Variants in HIVEP3 observed in about 807,000 individuals in gnomAD.
The protein encoded by HIVEP3 is transcription factor HIVEP3.
A neutral mutation model predicts 152.8 loss-of-function variants in HIVEP3; 49 were observed. That is an observed-to-expected ratio of 0.32 (90% CI 0.26 to 0.41). The LOEUF (loss-of-function observed/expected upper bound fraction) is 0.41, where lower values mean the gene tolerates loss of function less well. Among genes scored for constraint, HIVEP3 ranks in the 10% least tolerant of loss-of-function variants. The pLI is 1.00. For missense variants in HIVEP3, 2,790 were observed against 3,103.3 expected (o/e 0.90, Z 2.40); for synonymous variants, 1,269 against 1,289.0 (o/e 0.98, Z 0.33).
At chr1:41,668,209 T>C (rs1645824674) in intron 2 of HIVEP3, among the ~76,000 whole-genome samples, 2 of 152,206 alleles carry the variant, frequency 1.3e-5, no homozygotes, top group South Asian at 4.1e-4. Flanking sequence ...GCCTGAAGGA[T>C]CCTGTGCTCA....
chr1:41,896,448 C>T (rs529449831), intron 1 of HIVEP3, among the ~76,000 whole-genome samples: 24 of 152,252 alleles, frequency 1.6e-4, no homozygotes, highest in Non-Finnish European at 2.6e-4. Flanking sequence ...ATTAGGTGCC[C>T]GGCCCACTGC....
At chr1:42,023,572 A>G (rs1645566210) in intron 1 of HIVEP3, among the ~76,000 whole-genome samples, 1 of 152,092 alleles carries the variant, frequency 6.6e-6, no homozygotes, top group Non-Finnish European at 1.5e-5. Context: ...AATTATCACC[A>G]TCCACTTGGT....
intron 1 of HIVEP3, among the ~76,000 whole-genome samples, chr1:41,778,887 A>G (rs1203589079): frequency 6.6e-6 from 1 of 152,210 alleles, no homozygotes; most frequent in Non-Finnish European, 1.5e-5. Flanking sequence ...ATATCTGGGC[A>G]GAGATAGGAA....
intron 1 of HIVEP3, among the ~76,000 whole-genome samples, chr1:41,775,746 G>A (rs1007948020): frequency 3.3e-5 from 5 of 152,128 alleles, no homozygotes; most frequent in South Asian, 2.1e-4. Context: ...CTCCCAAAGT[G>A]CAGGGATTAC....
intron 2 of HIVEP3, among the ~76,000 whole-genome samples, chr1:41,643,888 C>CTTTTTT (rs1645417436): frequency 2.4e-5 from 1 of 41,142 alleles, no homozygotes; most frequent in Non-Finnish European, 4.0e-5. Flanking sequence ...CCTTCCCATC[C>CTTTTTT]TCTTTTTTTT....
chr1:41,731,136 C>A lies in HIVEP3; in HGVS notation c.-800-30141G>T, dbSNP rs149690106. Among the ~76,000 whole-genome samples the A allele has an allele frequency of 6.6e-5, 10 of 152,248 alleles. No homozygotes were observed. In the East Asian group the frequency reaches 1.9e-3, roughly 29 times the overall value. Reference sequence around the variant, plus strand: ...TGACTGCCGGGAAAAAGGTGTACTGCGTACAGCTGTCAAGAATGCAAATGC... The same window carrying A: ...TGACTGCCGGGAAAAAGGTGTACTGAGTACAGCTGTCAAGAATGCAAATGC... On this transcript the variant is annotated intron_variant, in intron 1 of 8. Coordinates refer to ENST00000372583, the MANE Select transcript of HIVEP3 (RefSeq NM_024503.5).
At chr1:41,615,324 G>A (rs1644951308) in intron 3 of HIVEP3, among the ~76,000 whole-genome samples, 2 of 152,184 alleles carry the variant, frequency 1.3e-5, no homozygotes, top group South Asian at 2.1e-4. Flanking sequence ...CCTGAACTTG[G>A]GAAATCGGCC....
intron 1 of HIVEP3, among the ~76,000 whole-genome samples, chr1:42,032,168 A>G (rs1361030673): frequency 6.6e-6 from 1 of 152,220 alleles, no homozygotes; most frequent in East Asian, 1.9e-4. Context: ...AACTCCAAAC[A>G]GTCACACCCC....
rs769387265 is a variant in HIVEP3 at position 41,512,997 on chromosome 1, C to T, written c.6224G>A (p.Gly2075Asp). The T allele has an allele frequency of 3.1e-6, 5 of 1,613,498 alleles. No homozygotes were observed. Among genetic ancestry groups the T allele is most frequent in the South Asian group, 1.1e-5 (1 of 91,056 alleles). ...RYSPTRRWSP[G>D]QAESPPRSAP... ...TGACCGTGGTGGTGACTCGGCCTGACCTGGAGACCATCTCCTGGTGGGCGA... is the reference window on the plus strand; with the variant it reads ...TGACCGTGGTGGTGACTCGGCCTGATCTGGAGACCATCTCCTGGTGGGCGA... The change falls in exon 8 of 9, where the codon GGT becomes GAT. Residue 2075 changes from glycine (G) to aspartate (D), a missense_variant. Physicochemically the swap from Gly to Asp is moderately conservative, Grantham distance 94. Coordinates refer to ENST00000372583, the MANE Select transcript of HIVEP3 (RefSeq NM_024503.5).
chr1:41,878,440 T>A (rs1644205726), intron 1 of HIVEP3, among the ~76,000 whole-genome samples: 1 of 152,154 alleles, frequency 6.6e-6, no homozygotes, highest in Non-Finnish European at 1.5e-5. Context: ...AAAAAAAGGG[T>A]AAGATTATAT....
At chr1:41,804,996 C>T (rs535707226) in intron 1 of HIVEP3, among the ~76,000 whole-genome samples, 6 of 152,262 alleles carry the variant, frequency 3.9e-5, no homozygotes, top group African/African-American at 1.2e-4. Context: ...TGCACATGAC[C>T]CATGAGGCCA....
At position 41,511,391 on chromosome 1, in the gene HIVEP3, C is replaced by G. The variant is rs1644454120; in HGVS notation, c.6406-125G>C. The G allele has an allele frequency of 4.4e-6, 4 of 899,594 alleles. No individual in the cohort carries two copies. The highest frequency in any genetic ancestry group is 6.6e-6 in the Non-Finnish European group (4 of 609,856). The allele number at this position is 899,594 out of a possible 1,614,324, so 55.7% of individuals were successfully genotyped here. A position where few individuals can be genotyped will look rare whatever the true frequency, so the allele number is the denominator to read the frequency against. On this transcript the variant is annotated intron_variant, in intron 8 of 8. Transcript: ENST00000372583. This position sits in a 1 kb window ranked among gnomAD's most constrained non-coding sequence, Gnocchi z 4.9. ...GAGCGAGTCCAGGGTCCCGGCTGAG[C>G]TGAGCCCAGAACCAAGTTCCTGACT...
At chr1:41,725,451 C>T (rs1646738956) in intron 1 of HIVEP3, among the ~76,000 whole-genome samples, 2 of 152,296 alleles carry the variant, frequency 1.3e-5, no homozygotes, top group Admixed American at 1.3e-4. Flanking sequence ...CATGTGCGGA[C>T]CTACCTAATG....
Position 41,580,196 on chromosome 1 carries a change from A to C in HIVEP3, c.4602T>G (p.Tyr1534Ter). 1 of 1,612,158 alleles carries C rather than the reference A, an allele frequency of 6.2e-7. No homozygotes were observed. Among genetic ancestry groups the C allele is most frequent in the Non-Finnish European group, 8.5e-7 (1 of 1,178,960 alleles). The change falls in exon 4 of 9, where the codon TAT becomes TAG. Residue 1534 changes from tyrosine (Y) to a stop codon, truncating the protein, a stop_gained. Transcript: ENST00000372583. LOFTEE classifies it high-confidence loss of function. ...TAPGSEALKE[Y>*]PQPSGKPHRR... ...GGTGAGGTTTGCCAGATGGCTGGGGATATTCCTTCAAAGCTTCTGAGCCTG... is the reference window on the plus strand; with the variant it reads ...GGTGAGGTTTGCCAGATGGCTGGGGCTATTCCTTCAAAGCTTCTGAGCCTG...
intron 1 of HIVEP3, among the ~76,000 whole-genome samples, chr1:41,906,785 C>A (rs1210378415): frequency 6.6e-6 from 1 of 151,878 alleles, no homozygotes; most frequent in Non-Finnish European, 1.5e-5. Context: ...GAGTTACATA[C>A]GTTCTGCTTC....
intron 1 of HIVEP3, chr1:41,848,531 G>A (rs1643504968): frequency 6.6e-6 from 1 of 152,246 alleles, no homozygotes; most frequent in Admixed American, 6.5e-5. Context: ...GAGATAAGGA[G>A]GATGGAATCG....
At chr1:41,713,599 A>T (rs1372589896) in intron 1 of HIVEP3, among the ~76,000 whole-genome samples, 1 of 152,198 alleles carries the variant, frequency 6.6e-6, no homozygotes, top group Non-Finnish European at 1.5e-5. Context: ...TGTTTCCATT[A>T]TGGAATCATA....
intron 2 of HIVEP3, among the ~76,000 whole-genome samples, chr1:41,647,122 T>C (rs1645472346): frequency 6.6e-6 from 1 of 152,218 alleles, no homozygotes; most frequent in Non-Finnish European, 1.5e-5. Context: ...CACCCTACTC[T>C]AAAGCCAGCT....
chr1:41,564,143 A>C (rs1386803734), intron 5 of HIVEP3, among the ~76,000 whole-genome samples: 1 of 152,164 alleles, frequency 6.6e-6, no homozygotes, highest in African/African-American at 2.4e-5. Flanking sequence ...CAGTGAGCCG[A>C]GATCGTGCCA....
Sources: gnomAD v4.1 joint callset for allele counts (sites outside exome capture counted in the v4.1 genomes callset) on GRCh38, gnomAD v4.1.1 for gene constraint, Gnocchi (gnomAD v3.1) non-coding constraint, MANE v1.5 for transcripts, NCBI Gene and HGNC (gene_info 2026-07-23, HGNC 2026-07-21) for gene names.